STX12: variants seen among roughly 807,000 people sequenced by gnomAD.
The protein encoded by STX12 is syntaxin-12.
STX12 carries 17 observed loss-of-function variants against 42.2 expected under a neutral mutation model. The ratio of observed to expected loss-of-function variants is 0.40; its 90% confidence interval spans 0.28 to 0.60. The LOEUF (loss-of-function observed/expected upper bound fraction) is 0.60, where lower values mean the gene tolerates loss of function less well. Among genes scored for constraint, STX12 ranks in the 20% least tolerant of loss-of-function variants. The pLI, the probability that STX12 is intolerant of heterozygous loss-of-function variation, is 0.39. For synonymous variants in STX12, 108 were observed against 116.7 expected (o/e 0.93, Z 0.48); for missense variants, 297 against 330.9 (o/e 0.90, Z 0.79).
chr1:27,781,437 T>G (rs1473805857), intron 1 of STX12, among the ~76,000 whole-genome samples: 1 of 152,186 alleles, frequency 6.6e-6, no homozygotes, highest in Non-Finnish European at 1.5e-5. Context: ...TGCCAGGATT[T>G]GAATCCTAGA....
At chr1:27,793,731 A>G (rs2088765259) in intron 3 of STX12, 99 bp downstream of exon 3, 1 of 858,378 alleles carries the variant, frequency 1.2e-6, no homozygotes, top group Non-Finnish European at 1.8e-6. Context: ...CTTTGGTGCT[A>G]GATAGATAGA....
intron 6 of STX12, among the ~76,000 whole-genome samples, chr1:27,814,409 G>GT (rs1033969729): frequency 1.5e-4 from 19 of 129,016 alleles, no homozygotes; most frequent in Middle Eastern, 7.1e-3. Flanking sequence ...TGTACCTGTG[G>GT]TCCCAGCTAC....
At chr1:27,796,585 T>A (rs1333825066) in intron 3 of STX12, among the ~76,000 whole-genome samples, 2 of 152,022 alleles carry the variant, frequency 1.3e-5, no homozygotes, top group Admixed American at 1.3e-4. Flanking sequence ...AGAGACAGAG[T>A]CTTGCTATGT....
chr1:27,780,204 T>G (rs2088658628), intron 1 of STX12, among the ~76,000 whole-genome samples: 1 of 148,384 alleles, frequency 6.7e-6, no homozygotes, highest in African/African-American at 2.6e-5. Context: ...AGTTTTTCTT[T>G]GCTTGTTTTT....
intron 1 of STX12, among the ~76,000 whole-genome samples, chr1:27,780,958 CAA>C (rs879665386): frequency 1.4e-5 from 2 of 138,062 alleles, no homozygotes. Flanking sequence ...GACCCTGTCT[CAA>C]AAAAAAAAAG....
intron 1 of STX12, among the ~76,000 whole-genome samples, chr1:27,779,491 C>T (rs2088652214): frequency 6.6e-6 from 1 of 151,712 alleles, no homozygotes; most frequent in South Asian, 2.1e-4. Context: ...TGCCACCACG[C>T]CCAGCTAATT....
At chr1:27,789,458 T>C in intron 1 of STX12, 104 bp from the exon 2 acceptor site, 1 of 777,524 alleles carries the variant, frequency 1.3e-6, no homozygotes, top group Non-Finnish European at 2.0e-6. Flanking sequence ...TTGCATGTAT[T>C]AATACTTATT....
intron 6 of STX12, among the ~76,000 whole-genome samples, chr1:27,815,488 C>A (rs1042964265): frequency 3.9e-5 from 6 of 152,172 alleles, no homozygotes; most frequent in Admixed American, 3.3e-4. Flanking sequence ...TCATGTCTTA[C>A]CTCTTCTGCA....
chr1:27,778,862 C>T (rs935338064), intron 1 of STX12, among the ~76,000 whole-genome samples: 3 of 152,056 alleles, frequency 2.0e-5, no homozygotes, highest in Admixed American at 6.6e-5. Flanking sequence ...TGGGCTTTAG[C>T]GATCCTCTTA....
chr1:27,802,690 T>C (rs1445340097), intron 4 of STX12, among the ~76,000 whole-genome samples: 3 of 152,190 alleles, frequency 2.0e-5, no homozygotes, highest in African/African-American at 4.8e-5. Context: ...ATCCTAGCCC[T>C]GAAATAATAC....
chr1:27,816,915 C>CA (rs1052333431), intron 6 of STX12, among the ~76,000 whole-genome samples: 12 of 94,460 alleles, frequency 1.3e-4, no homozygotes, highest in Admixed American at 1.4e-4. Flanking sequence ...GACTCTGTCT[C>CA]AAAAAAAAAA....
chr1:27,811,294 C>T lies in STX12; in HGVS notation c.471-869C>T, dbSNP rs150203516. Among the ~76,000 whole-genome samples the T allele has an allele frequency of 2.0e-3, 232 of 116,918 alleles. 1 individual carries two copies. Among genetic ancestry groups the T allele is most frequent in the African/African-American group, 7.8e-3 (228 of 29,322 alleles). The allele number at this position is 116,918 out of a possible 152,430, so 76.7% of individuals were successfully genotyped here. A position where few individuals can be genotyped will look rare whatever the true frequency, so the allele number is the denominator to read the frequency against. Reference sequence around the variant, plus strand: ...CTTCACTCCGGCCTGGATGAAAGAGCGAAACTCCGTCTCAAAAAAAAAAAA... The same window carrying T: ...CTTCACTCCGGCCTGGATGAAAGAGTGAAACTCCGTCTCAAAAAAAAAAAA... On this transcript the variant is annotated intron_variant, in intron 5 of 8. Transcript: ENST00000373943.
Position 27,801,834 on chromosome 1 carries a change from GA to G in STX12, c.426+21del. 6.4e-7 allele frequency: 1 copy of G among 1,568,468 alleles called. No individual in the cohort carries two copies. Among genetic ancestry groups the G allele is most frequent in the Non-Finnish European group, 8.6e-7 (1 of 1,166,030 alleles). ...TCTTTCTGTAAGTTGATTCCCAAAAGAAGACCTTTGCAATATCAGAATGTTC... is the reference window on the plus strand; with the variant it reads ...TCTTTCTGTAAGTTGATTCCCAAAAGAGACCTTTGCAATATCAGAATGTTC... On this transcript the variant is annotated intron_variant, in intron 4 of 8. Transcript: ENST00000373943.
intron 1 of STX12, among the ~76,000 whole-genome samples, chr1:27,780,206 CTTG>C (rs1557797660): frequency 2.1e-5 from 3 of 140,704 alleles, no homozygotes; most frequent in African/African-American, 8.9e-5. Context: ...TTTTTCTTTG[CTTG>C]TTTTTTTTTT....
At chr1:27,788,706 G>A (rs867048485) in intron 1 of STX12, among the ~76,000 whole-genome samples, 1 of 152,166 alleles carries the variant, frequency 6.6e-6, no homozygotes. Flanking sequence ...TTCCTTACCT[G>A]CAAAATGGAA....
At chr1:27,818,858 C>G (rs946592055) in intron 7 of STX12, among the ~76,000 whole-genome samples, 10 of 152,122 alleles carry the variant, frequency 6.6e-5, no homozygotes, top group African/African-American at 2.4e-4. Context: ...GAACTCTCGA[C>G]CTCAGGTGAT....
At chr1:27,777,846 C>T (rs1334353859) in intron 1 of STX12, among the ~76,000 whole-genome samples, 6 of 151,840 alleles carry the variant, frequency 4.0e-5, no homozygotes. Flanking sequence ...GAGATTGCGC[C>T]ACTGCACTCT....
intron 1 of STX12, among the ~76,000 whole-genome samples, chr1:27,785,110 T>C (rs2088691152): frequency 6.6e-6 from 1 of 152,228 alleles, no homozygotes; most frequent in Admixed American, 6.5e-5. Flanking sequence ...AACTTGATAC[T>C]TTGGCATACT....
chr1:27,798,396 G>A (rs1443977955), intron 3 of STX12, among the ~76,000 whole-genome samples: 1 of 151,850 alleles, frequency 6.6e-6, no homozygotes, highest in African/African-American at 2.4e-5. Flanking sequence ...TATAATCCCA[G>A]CACTTTGGGA....
Sources: gnomAD v4.1 joint callset for allele counts (sites outside exome capture counted in the v4.1 genomes callset) on GRCh38, gnomAD v4.1.1 for gene constraint, MANE v1.5 for transcripts, NCBI Gene and HGNC (gene_info 2026-07-23, HGNC 2026-07-21) for gene names.